SGSM3: variants seen among roughly 807,000 people sequenced by gnomAD.
The protein encoded by SGSM3 is RUN and SH3 containing 3.
SGSM3 carries 96 observed loss-of-function variants against 100.5 expected under a neutral mutation model. The ratio of observed to expected loss-of-function variants is 0.96; its 90% CI spans 0.81 to 1.13. SGSM3 has a LOEUF of 1.13. Among genes scored for constraint, SGSM3 ranks in the 50% most tolerant of loss-of-function variants. SGSM3 has a pLI of 0.00. For synonymous variants in SGSM3, 483 were observed against 422.8 expected, an observed-to-expected ratio of 1.14 and a Z score of -1.75; for missense variants, 1,001 against 1,015.8, an observed-to-expected ratio of 0.99 and a Z score of 0.20.
In SGSM3 at chr22:40,406,135, T is replaced by C. The variant is rs2051468475; in HGVS notation, c.872T>C (p.Ile291Thr). The change falls in exon 9 of 22, where the codon ATC (isoleucine) becomes ACC (threonine). Residue 291 changes from isoleucine to threonine, a missense_variant. Coordinates refer to ENST00000248929, the MANE Select transcript of SGSM3 (RefSeq NM_015705.6). ...ACGGCCTTCGCCAGCGTGGTGGACATCAAGCTGCTCCTGCGCATCTGGGAC... is the reference window on the plus strand; with the variant it reads ...ACGGCCTTCGCCAGCGTGGTGGACACCAAGCTGCTCCTGCGCATCTGGGAC... ...FLTAFASVVDIKLLLRIWDLF... is the reference protein window; with the variant it reads ...FLTAFASVVDTKLLLRIWDLF... 18 of 1,614,110 alleles carry C rather than the reference T, an allele frequency of 1.1e-5. No individual in the cohort carries two copies. The highest frequency in any genetic ancestry group is 1.5e-5 in the Non-Finnish European group (18 of 1,180,032).
intron 19 of SGSM3, 36 bp from the exon 20 acceptor site, chr22:40,409,214 G>A (rs780990299): frequency 1.3e-6 from 2 of 1,572,264 alleles, no homozygotes; most frequent in Admixed American, 3.5e-5. Flanking sequence ...AGGGCCTGGA[G>A]CTGCCCCTGC....
Position 40,381,420 on chromosome 22 carries a change from A to AT in SGSM3, c.-112+10733dup, listed in dbSNP as rs765397614. 1.0e-3 allele frequency among the ~76,000 whole-genome samples: 157 copies of AT among 152,198 alleles called. 2 individuals carry two copies. The highest frequency in any genetic ancestry group is 3.5e-4 in the Non-Finnish European group (24 of 68,036). On this transcript the variant is annotated intron_variant, in intron 1 of 21. Transcript: ENST00000248929. ...TGCCTTGGCCTTCCAAAGTGCTGGG[A>AT]TAAGAGGAATGAGCCACCATGCCCG...
rs528581624 is a variant in SGSM3, at chr22:40,407,130, T to C, written c.1240+59T>C. 3.5e-5 allele frequency: 56 copies of C among 1,611,710 alleles called. 1 individual carries two copies. In the Middle Eastern group the frequency reaches 1.2e-3, roughly 33 times the overall value. On this transcript the variant is annotated intron_variant, in intron 11 of 21. Transcript: ENST00000248929. This position sits in a 1 kb window ranked among gnomAD's most constrained non-coding sequence, Gnocchi z 4.7. ...ATGCGGGAGTCTGTCCTCACGCTCATGTGGACGTGGAGCTTCCTCCTCGGG... is the reference window on the plus strand; with the variant it reads ...ATGCGGGAGTCTGTCCTCACGCTCACGTGGACGTGGAGCTTCCTCCTCGGG...
chr22:40,404,669 G>C lies in SGSM3; in HGVS notation c.474+5G>C, dbSNP rs1258669066. ...GAGACCATCGCTGCCAAGCAGGTGA[G>C]GCCGGTGGCACTGTGCAGGAAGAGC... On this transcript the variant is annotated splice_donor_5th_base_variant and intron_variant, in intron 6 of 21. Transcript: ENST00000248929. The C allele has an allele frequency of 6.2e-7, 1 of 1,600,252 alleles. No homozygotes were observed. Among genetic ancestry groups the C allele is most frequent in the Non-Finnish European group, 8.5e-7 (1 of 1,169,702 alleles).
intron 4 of SGSM3, among the ~76,000 whole-genome samples, chr22:40,402,582 A>T (rs1332915337): frequency 6.6e-6 from 1 of 152,154 alleles, no homozygotes; most frequent in African/African-American, 2.4e-5. Context: ...TCTACTAAAA[A>T]TACAAAATTT....
chr22:40,400,950 C>A, intron 2 of SGSM3, 137 bp downstream of exon 2: 1 of 850,050 alleles, frequency 1.2e-6, no homozygotes, highest in Non-Finnish European at 1.8e-6. Flanking sequence ...TTCTGGCTGG[C>A]TGAGAAAGTT....
chr22:40,408,238 C>T (rs759712317), intron 15 of SGSM3, 39 bp from the exon 16 acceptor site: 35 of 1,609,440 alleles, frequency 2.2e-5, no homozygotes, highest in African/African-American at 9.4e-5. Context: ...TGGCTGCAGG[C>T]GTCAGGCAGG....
chr22:40,404,673 G>A lies in SGSM3; in HGVS notation c.474+9G>A, dbSNP rs781623696. On this transcript the variant is annotated intron_variant, in intron 6 of 21. Transcript: ENST00000248929. ...CCATCGCTGCCAAGCAGGTGAGGCC[G>A]GTGGCACTGTGCAGGAAGAGCTGGA... 97 of 1,591,736 alleles carry A rather than the reference G, an allele frequency of 6.1e-5. No homozygotes were observed. In the Middle Eastern group the frequency reaches 6.6e-4, roughly 11 times the overall value.
Position 40,406,232 on chromosome 22 carries a change from C to T in SGSM3, c.960+9C>T, listed in dbSNP as rs778953448. 11 of 1,613,522 alleles carry T rather than the reference C, an allele frequency of 6.8e-6. No individual in the cohort carries two copies. Among genetic ancestry groups the T allele is most frequent in the African/African-American group, 6.7e-5 (5 of 74,930 alleles). On this transcript the variant is annotated intron_variant, in intron 9 of 21. Coordinates refer to ENST00000248929, the MANE Select transcript of SGSM3 (RefSeq NM_015705.6). ...GCATGCTGCACCTCAAGGTGCTCCACGGCCCCACTTCAGGCTGAGGAGTAG... is the reference window on the plus strand; with the variant it reads ...GCATGCTGCACCTCAAGGTGCTCCATGGCCCCACTTCAGGCTGAGGAGTAG...
Position 40,404,550 on chromosome 22 carries a change from C to A in SGSM3, c.367-7C>A, listed in dbSNP as rs932741144. On this transcript the variant is annotated splice_region_variant and splice_polypyrimidine_tract_variant and intron_variant, in intron 5 of 21. Coordinates refer to ENST00000248929, the MANE Select transcript of SGSM3 (RefSeq NM_015705.6). ...GACTGAGTGCCCTTGCGGCTCCCTT[C>A]CCTCAGCTGTGGATGCGGCTCTCTG... 6 of 1,613,052 alleles carry A rather than the reference C, an allele frequency of 3.7e-6. No individual in the cohort carries two copies. The highest frequency in any genetic ancestry group is 5.1e-6 in the Non-Finnish European group (6 of 1,179,286).
chr22:40,409,170 C>T, intron 19 of SGSM3, 80 bp from the exon 20 acceptor site: 2 of 1,557,132 alleles, frequency 1.3e-6, no homozygotes, highest in South Asian at 1.2e-5. Context: ...TGCTGAGAGA[C>T]AGGTCAGAGG....
chr22:40,400,660 A>G, intron 1 of SGSM3, 36 bp from the exon 2 acceptor site: 1 of 836,702 alleles, frequency 1.2e-6, no homozygotes, highest in East Asian at 2.8e-5. Context: ...AATAAAAATA[A>G]AAATAGAATG....
Position 40,409,764 on chromosome 22 carries a change from C to T in SGSM3, c.*5C>T, listed in dbSNP as rs765608719. ...AGCTGGGATGTGGACGGGTGACCCCCTCCTCCCCAGCCCAACCTCGGGCCT... is the reference window on the plus strand; with the variant it reads ...AGCTGGGATGTGGACGGGTGACCCCTTCCTCCCCAGCCCAACCTCGGGCCT... On this transcript the variant is annotated 3_prime_UTR_variant, in exon 22 of 22. Coordinates refer to ENST00000248929, the MANE Select transcript of SGSM3 (RefSeq NM_015705.6). 5.6e-6 allele frequency: 9 copies of T among 1,605,234 alleles called. No individual in the cohort carries two copies. The East Asian group carries it at 2.0e-4, about 36-fold the overall frequency.
intron 1 of SGSM3, among the ~76,000 whole-genome samples, chr22:40,380,779 C>T (rs1409091378): frequency 6.6e-6 from 1 of 151,976 alleles, no homozygotes; most frequent in Non-Finnish European, 1.5e-5. Flanking sequence ...ACAACAGTAA[C>T]AAAAAATTAG....
intron 1 of SGSM3, among the ~76,000 whole-genome samples, chr22:40,392,303 CT>C (rs985894644): frequency 2.3e-3 from 322 of 139,496 alleles, no homozygotes; most frequent in Middle Eastern, 7.2e-3. Context: ...AAATTACAGG[CT>C]TTTTTTTTTT....
chr22:40,403,824 GC>G (rs2051077396), intron 4 of SGSM3, among the ~76,000 whole-genome samples: 1 of 152,186 alleles, frequency 6.6e-6, no homozygotes, highest in Non-Finnish European at 1.5e-5. Context: ...GAGGGCCACT[GC>G]AGTGATCTGG....
chr22:40,407,984 T>C lies in SGSM3; in HGVS notation c.1580-87T>C. The C allele has an allele frequency of 2.7e-6, 4 of 1,497,856 alleles. No homozygotes were observed. Among genetic ancestry groups the C allele is most frequent in the Non-Finnish European group, 3.7e-6 (4 of 1,091,952 alleles). The allele number at this position is 1,497,856 out of a possible 1,614,324, so 92.8% of individuals were successfully genotyped here. A position where few individuals can be genotyped will look rare whatever the true frequency, so the allele number is the denominator to read the frequency against. On this transcript the variant is annotated intron_variant, in intron 14 of 21. Transcript: ENST00000248929. The surrounding 1 kb of genome is among the most constrained non-coding windows in gnomAD (Gnocchi z 4.7). Reference sequence around the variant, plus strand: ...GGTCCCTGAAGCAGCTGAGCCGGCTTCCCACTGCCTCAGCCTGCCTGCAGG... The same window carrying C: ...GGTCCCTGAAGCAGCTGAGCCGGCTCCCCACTGCCTCAGCCTGCCTGCAGG...
At chr22:40,399,152 T>C (rs2050408044) in intron 1 of SGSM3, among the ~76,000 whole-genome samples, 1 of 140,444 alleles carries the variant, frequency 7.1e-6, no homozygotes, top group South Asian at 2.2e-4. Context: ...CCTGGCTAAT[T>C]TTTTTGTATT....
chr22:40,390,371 ACTCT>A (rs770969449), intron 1 of SGSM3: 4 of 151,738 alleles, frequency 2.6e-5, no homozygotes, highest in Non-Finnish European at 4.4e-5. Flanking sequence ...CATTCTTCTC[ACTCT>A]CCTTTTTTTA....
Sources: allele counts gnomAD v4.1 joint callset (sites outside exome capture counted in the v4.1 genomes callset), GRCh38; gene constraint gnomAD v4.1.1; non-coding constraint Gnocchi (gnomAD v3.1); transcripts MANE v1.5; gene names NCBI Gene and HGNC (gene_info 2026-07-23, HGNC 2026-07-21).